PDP2: variants seen among roughly 807,000 people sequenced by gnomAD.
PDP2 encodes the protein [Pyruvate dehydrogenase [acetyl-transferring]]-phosphatase 2, mitochondrial.
PDP2 carries 23 observed loss-of-function variants against 34.2 expected under a neutral mutation model. The observed-to-expected ratio is 0.67, with a 90% confidence interval of 0.48 to 0.95. The LOEUF (loss-of-function observed/expected upper bound fraction) is 0.95, where lower values mean the gene tolerates loss of function less well. Ranked by LOEUF, PDP2 falls within the 40% of genes least tolerant of loss-of-function variation. PDP2 has a pLI of 0.00. For missense variants in PDP2, 571 were observed against 659.6 expected (o/e 0.87, Z 1.47); for synonymous variants, 275 against 269.2 (o/e 1.02, Z -0.21).
chr16:66,883,786 G>T (rs1437361929), intron 1 of PDP2, among the ~76,000 whole-genome samples: 3 of 151,572 alleles, frequency 2.0e-5, no homozygotes, highest in African/African-American at 7.3e-5. Context: ...ATAGTCTGCT[G>T]GTGAGAGTGA....
chr16:66,886,153 A>G lies in PDP2; in HGVS notation c.*279A>G. The G allele has an allele frequency of 2.7e-6, 1 of 366,416 alleles. No homozygotes were observed. The highest frequency in any genetic ancestry group is 5.2e-6 in the Non-Finnish European group (1 of 190,512). The allele number at this position is 366,416 out of a possible 1,614,324, so 22.7% of individuals were successfully genotyped here. On this transcript the variant is annotated 3_prime_UTR_variant, in exon 2 of 2. Coordinates refer to ENST00000311765, the MANE Select transcript of PDP2 (RefSeq NM_020786.4). ...GGGCTTGTGTAGCCCCAGTCATTTGATAAAGATGTTGTTAAACTGTGTCAG... is the reference window on the plus strand; with the variant it reads ...GGGCTTGTGTAGCCCCAGTCATTTGGTAAAGATGTTGTTAAACTGTGTCAG...
Position 66,887,312 on chromosome 16 carries a change from A to G in PDP2, c.*1438A>G, listed in dbSNP as rs1453618756. The G allele has an allele frequency of 6.0e-6, 1 of 166,604 alleles. No homozygotes were observed. The highest frequency in any genetic ancestry group is 1.5e-5 in the Non-Finnish European group (1 of 68,122). The allele number at this position is 166,604 out of a possible 1,614,324, so 10.3% of individuals were successfully genotyped here. ...TGAGTTGCTGTGGCATTTAAACAAC[A>G]GGAAATGTGTCCCTAAATGGAAACA... On this transcript the variant is annotated 3_prime_UTR_variant, in exon 2 of 2. Coordinates refer to ENST00000311765, the MANE Select transcript of PDP2 (RefSeq NM_020786.4).
chr16:66,884,804 G>A lies in PDP2; in HGVS notation c.520G>A (p.Glu174Lys), dbSNP rs150328084. 1.2e-6 allele frequency: 2 copies of A among 1,614,156 alleles called. No individual in the cohort carries two copies. Among genetic ancestry groups the A allele is most frequent in the Non-Finnish European group, 1.7e-6 (2 of 1,180,048 alleles). The change falls in exon 2 of 2, where the codon GAG becomes AAG. Residue 174 changes from glutamate (E) to lysine (K), a missense_variant. Glu to Lys is a moderately conservative substitution (Grantham distance 56). Coordinates refer to ENST00000311765, the MANE Select transcript of PDP2 (RefSeq NM_020786.4). ...GTCCCACCAGACCCTGGAGCACATG[G>A]AGGGAGCTATGGAAAGCATGAAACC... Reference protein sequence around the residue: ...LMSHQTLEHMEGAMESMKPLL... With the variant: ...LMSHQTLEHMKGAMESMKPLL...
Position 66,886,803 on chromosome 16 carries a change from G to A in PDP2, c.*929G>A. 4.8e-6 allele frequency: 1 copy of A among 206,258 alleles called. No homozygotes were observed. The highest frequency in any genetic ancestry group is 9.9e-5 in the South Asian group (1 of 10,054). 12.8% of individuals were successfully genotyped at this position (206,258 alleles called of 1,614,324 possible). ...CACACAATCCTTCTACCTCTGCTAT[G>A]CTGAACCCCTCATTCACCCTGCACC... On this transcript the variant is annotated 3_prime_UTR_variant, in exon 2 of 2. Coordinates refer to ENST00000311765, the MANE Select transcript of PDP2 (RefSeq NM_020786.4).
rs1386026820 is a variant in PDP2 at position 66,889,699 on chromosome 16, G to A, written c.*3825G>A. 6.6e-6 allele frequency: 1 copy of A among 151,926 alleles called. No homozygotes were observed. Among genetic ancestry groups the A allele is most frequent in the Non-Finnish European group, 1.5e-5 (1 of 68,042 alleles). The allele number at this position is 151,926 out of a possible 1,614,324, so 9.4% of individuals were successfully genotyped here. A position where few individuals can be genotyped will look rare whatever the true frequency, so the allele number is the denominator to read the frequency against. ...AAATTCAAATTCGTGGCTAGGCACA[G>A]TGGCCCACACCTGTAATCCCAGCAC... On this transcript the variant is annotated 3_prime_UTR_variant, in exon 2 of 2. Coordinates refer to ENST00000311765, the MANE Select transcript of PDP2 (RefSeq NM_020786.4).
chr16:66,885,101 C>T lies in PDP2; in HGVS notation c.817C>T (p.His273Tyr), dbSNP rs1378702357. 2 of 1,613,994 alleles carry T rather than the reference C, an allele frequency of 1.2e-6. No individual in the cohort carries two copies. Among genetic ancestry groups the T allele is most frequent in the East Asian group, 4.5e-5 (2 of 44,880 alleles). The change falls in exon 2 of 2, where the codon CAT becomes TAT. Residue 273 changes from histidine to tyrosine, a missense_variant. His to Tyr is a moderately conservative substitution (Grantham distance 83). Transcript: ENST00000311765. The surrounding 1 kb of genome is among the most constrained non-coding windows in gnomAD (Gnocchi z 4.6). ...AFSGATACMA[H>Y]VDGIHLHVAN... ...CTCTGGGGCAACAGCTTGCATGGCC[C>T]ATGTTGATGGAATTCACTTGCACGT...
Position 66,885,218 on chromosome 16 carries a change from T to C in PDP2, c.934T>C (p.Trp312Arg). 1.9e-6 allele frequency: 3 copies of C among 1,614,052 alleles called. No homozygotes were observed. Among genetic ancestry groups the C allele is most frequent in the Non-Finnish European group, 2.5e-6 (3 of 1,180,034 alleles). ...GCCCCTTACACGTGACCACAATGCC[T>C]GGAACCAGGCCGAGCTGTCCCGGCT... ...CLPLTRDHNA[W>R]NQAELSRLKR... The change falls in exon 2 of 2, where the codon TGG becomes CGG. Residue 312 changes from tryptophan to arginine, a missense_variant. Trp to Arg is a moderately radical substitution (Grantham distance 101). This residue lies in a region of PDP2 where 281 missense variants were observed against 375.8 expected (regional missense o/e 0.75). Transcript: ENST00000311765. This position sits in a 1 kb window ranked among gnomAD's most constrained non-coding sequence, Gnocchi z 4.6.
chr16:66,884,190 AAAAG>A, intron 1 of PDP2, 37 bp from the exon 2 acceptor site: 12 of 1,238,798 alleles, frequency 9.7e-6, no homozygotes, highest in Admixed American at 9.6e-5. Context: ...AAAAAAAAAA[AAAAG>A]AAATTAAATT....
In PDP2 at chr16:66,888,479, G is replaced by A. The variant is rs1961879938; in HGVS notation, c.*2605G>A. 1 of 152,032 alleles carries A rather than the reference G, an allele frequency of 6.6e-6. No homozygotes were observed. The highest frequency in any genetic ancestry group is 2.4e-5 in the African/African-American group (1 of 41,388). 9.4% of individuals were successfully genotyped at this position (152,032 alleles called of 1,614,324 possible). A position where few individuals can be genotyped will look rare whatever the true frequency, so the allele number is the denominator to read the frequency against. ...ACGTTTACTTTTTGTTGTTTTTTGA[G>A]ACAAGGTCTTGCTTTGTCGCCCATG... On this transcript the variant is annotated 3_prime_UTR_variant, in exon 2 of 2. Coordinates refer to ENST00000311765, the MANE Select transcript of PDP2 (RefSeq NM_020786.4).
Position 66,885,842 on chromosome 16 carries a change from G to T in PDP2, c.1558G>T (p.Glu520Ter). 6.2e-7 allele frequency: 1 copy of T among 1,610,226 alleles called. No individual in the cohort carries two copies. Among genetic ancestry groups the T allele is most frequent in the African/African-American group, 1.3e-5 (1 of 74,976 alleles). ...ITVTVVYFNS[E>*]SIGAYYKGG ...TGTCACTGTGGTGTATTTTAACTCA[G>T]AATCAATCGGTGCATATTACAAGGG... The change falls in exon 2 of 2, where the codon GAA (glutamate) becomes TAA (stop). Residue 520 changes from glutamate to a stop codon, truncating the protein, a stop_gained. Coordinates refer to ENST00000311765, the MANE Select transcript of PDP2 (RefSeq NM_020786.4). LOFTEE classifies it high-confidence loss of function. This position sits in a 1 kb window ranked among gnomAD's most constrained non-coding sequence, Gnocchi z 4.6.
chr16:66,881,475 C>T (rs1596940171), intron 1 of PDP2, among the ~76,000 whole-genome samples: 1 of 135,676 alleles, frequency 7.4e-6, no homozygotes, highest in East Asian at 2.0e-4. Flanking sequence ...TTATTATATT[C>T]CAAGGAAAAG....
rs1478415961 is a variant in PDP2, at chr16:66,884,482, A to G, written c.198A>G (p.Thr66=). Residue 66 remains threonine (T), a synonymous_variant, in exon 2 of 2, where the codon ACA becomes ACG. Coordinates refer to ENST00000311765, the MANE Select transcript of PDP2 (RefSeq NM_020786.4). ...GFTLCKAYRH[T]STEEDDFHLQ... Reference sequence around the variant, plus strand: ...CTCTGTGCAAAGCCTACAGACACACATCAACAGAGGAAGATGATTTTCACT... The same window carrying G: ...CTCTGTGCAAAGCCTACAGACACACGTCAACAGAGGAAGATGATTTTCACT... The G allele has an allele frequency of 5.6e-6, 9 of 1,614,174 alleles. No homozygotes were observed. The Admixed American group carries it at 1.0e-4, about 18-fold the overall frequency.
chr16:66,885,838 C>T lies in PDP2; in HGVS notation c.1554C>T (p.Asn518=), dbSNP rs1306444554. The T allele has an allele frequency of 6.2e-7, 1 of 1,611,132 alleles. No homozygotes were observed. Among genetic ancestry groups the T allele is most frequent in the Non-Finnish European group, 8.5e-7 (1 of 1,178,344 alleles). Residue 518 remains asparagine (N), a synonymous_variant, in exon 2 of 2, where the codon AAC becomes AAT. Transcript: ENST00000311765. This position sits in a 1 kb window ranked among gnomAD's most constrained non-coding sequence, Gnocchi z 4.6. ...DDITVTVVYF[N]SESIGAYYKG... ...TCACTGTCACTGTGGTGTATTTTAA[C>T]TCAGAATCAATCGGTGCATATTACA... is the stretch of plus-strand genomic sequence containing the variant.
In PDP2 at chr16:66,887,991, G is replaced by GTCCGTCCTTCCTTCCTTCCT. The variant is rs1329030356; in HGVS notation, c.*2120_*2121insGTCCTTCCTTCCTTCCTTCC. 3.4e-4 allele frequency: 33 copies of GTCCGTCCTTCCTTCCTTCCT among 97,358 alleles called. No homozygotes were observed. The highest frequency in any genetic ancestry group is 6.0e-4 in the Non-Finnish European group (29 of 48,098). The allele number at this position is 97,358 out of a possible 1,614,324, so 6.0% of individuals were successfully genotyped here. A position where few individuals can be genotyped will look rare whatever the true frequency, so the allele number is the denominator to read the frequency against. On this transcript the variant is annotated 3_prime_UTR_variant, in exon 2 of 2. Transcript: ENST00000311765. ...AAAAATCCATCTTATCTCTTAGTCC[G>GTCCGTCCTTCCTTCCTTCCT]TCCTTCCTTCCTTCCTTCCTTCCTT...
rs777465888 is a variant in PDP2 at position 66,885,743 on chromosome 16, A to G, written c.1459A>G (p.Met487Val). 4.3e-6 allele frequency: 7 copies of G among 1,613,816 alleles called. No individual in the cohort carries two copies. In the South Asian group the frequency reaches 7.7e-5, roughly 18 times the overall value. The part of the protein sequence containing the change: ...HAIGNNEYGE[M>V]EAERLAAMLT... ...CATCGGGAACAATGAGTATGGGGAG[A>G]TGGAGGCAGAGCGGCTGGCGGCGAT... Residue 487 changes from methionine (M) to valine (V), a missense_variant, in exon 2 of 2, where the codon ATG becomes GTG. Coordinates refer to ENST00000311765, the MANE Select transcript of PDP2 (RefSeq NM_020786.4). This position sits in a 1 kb window ranked among gnomAD's most constrained non-coding sequence, Gnocchi z 4.6.
Position 66,885,727 on chromosome 16 carries a change from C to T in PDP2, c.1443C>T (p.Asn481=). 1 of 1,614,002 alleles carries T rather than the reference C, an allele frequency of 6.2e-7. No homozygotes were observed. The highest frequency in any genetic ancestry group is 8.5e-7 in the Non-Finnish European group (1 of 1,180,018). ...ATRLIRHAIG[N]NEYGEMEAER... ...GGCTGATCAGACATGCCATCGGGAA[C>T]AATGAGTATGGGGAGATGGAGGCAG... The change falls in exon 2 of 2, where the codon AAC becomes AAT. Residue 481 remains asparagine (N), a synonymous_variant. Coordinates refer to ENST00000311765, the MANE Select transcript of PDP2 (RefSeq NM_020786.4). The surrounding 1 kb of genome is among the most constrained non-coding windows in gnomAD (Gnocchi z 4.6).
chr16:66,882,429 C>T (rs1213451503), intron 1 of PDP2, among the ~76,000 whole-genome samples: 1 of 150,746 alleles, frequency 6.6e-6, no homozygotes, highest in Non-Finnish European at 1.5e-5. Flanking sequence ...AGCCAGGCTC[C>T]ATCTCAAAAA....
rs1412280599 is a variant in PDP2, at chr16:66,888,634, T to C, written c.*2760T>C. 6.6e-6 allele frequency: 1 copy of C among 152,202 alleles called. No individual in the cohort carries two copies. Among genetic ancestry groups the C allele is most frequent in the Non-Finnish European group, 1.5e-5 (1 of 68,040 alleles). The allele number at this position is 152,202 out of a possible 1,614,324, so 9.4% of individuals were successfully genotyped here. A position where few individuals can be genotyped will look rare whatever the true frequency, so the allele number is the denominator to read the frequency against. On this transcript the variant is annotated 3_prime_UTR_variant, in exon 2 of 2. Coordinates refer to ENST00000311765, the MANE Select transcript of PDP2 (RefSeq NM_020786.4). Reference sequence around the variant, plus strand: ...CAGGCCCAGATAATTAAAAAAACTTTTTTTGGTGAAAACATGATCTTGCTA... The same window carrying C: ...CAGGCCCAGATAATTAAAAAAACTTCTTTTGGTGAAAACATGATCTTGCTA...
At position 66,888,949 on chromosome 16, in the gene PDP2, T is replaced by G. The variant is rs1330782744; in HGVS notation, c.*3075T>G. On this transcript the variant is annotated 3_prime_UTR_variant, in exon 2 of 2. Transcript: ENST00000311765. ...AGAAAGGCTTATTTATCATTTGCTT[T>G]TTTTCCACTGTGAATCATCTGTTCT... 6.6e-6 allele frequency: 1 copy of G among 152,238 alleles called. No homozygotes were observed. Among genetic ancestry groups the G allele is most frequent in the Non-Finnish European group, 1.5e-5 (1 of 68,046 alleles). The allele number at this position is 152,238 out of a possible 1,614,324, so 9.4% of individuals were successfully genotyped here. A position where few individuals can be genotyped will look rare whatever the true frequency, so the allele number is the denominator to read the frequency against.
Sources: gnomAD v4.1 joint callset for allele counts (sites outside exome capture counted in the v4.1 genomes callset) on GRCh38, gnomAD v4.1.1 for gene constraint, gnomAD v4.1.1 regional missense constraint, Gnocchi (gnomAD v3.1) non-coding constraint, MANE v1.5 for transcripts, NCBI Gene and HGNC (gene_info 2026-07-23, HGNC 2026-07-21) for gene names.